The following AKR1E2 variants were observed in gnomAD, a reference collection of about 807,000 sequenced individuals.
The protein encoded by AKR1E2 is 1,5-anhydro-D-fructose reductase.
In AKR1E2, 43 loss-of-function variants were observed where a neutral mutation model predicts 41.9. That is an observed-to-expected ratio of 1.03 (90% CI 0.80 to 1.32). AKR1E2 has a LOEUF of 1.32. AKR1E2 is among the 40% of genes most tolerant of loss of function. The pLI is 0.00. For missense variants in AKR1E2, 423 were observed against 396.5 expected (o/e 1.07, Z -0.57); for synonymous variants, 121 against 138.9 (o/e 0.87, Z 0.91).
the AKR1E2 span, among the ~76,000 whole-genome samples, chr10:4,854,101 T>TTG: frequency 2.0e-5 from 3 of 150,770 alleles, no homozygotes; most frequent in Admixed American, 2.0e-4. Flanking sequence ...TTTTTTTTTT[T>TTG]TTTTTTTTTT....
the AKR1E2 span, among the ~76,000 whole-genome samples, chr10:4,853,916 C>G: frequency 6.6e-6 from 1 of 152,130 alleles, no homozygotes; most frequent in Non-Finnish European, 1.5e-5. Context: ...TACACTCCCA[C>G]CAGCGCCATG....
At chr10:4,868,654 A>T in the AKR1E2 span, among the ~76,000 whole-genome samples, 1 of 152,236 alleles carries the variant, frequency 6.6e-6, no homozygotes, top group Non-Finnish European at 1.5e-5. Flanking sequence ...AGGGACAAAG[A>T]ATTCAGCTTA....
At chr10:4,867,473 C>T in the AKR1E2 span, among the ~76,000 whole-genome samples, 1 of 152,210 alleles carries the variant, frequency 6.6e-6, no homozygotes, top group Non-Finnish European at 1.5e-5. Context: ...TAACCCCTGG[C>T]AACTAGTATG....
chr10:4,841,898 G>A (rs1833917892), intron 7 of AKR1E2, 41 bp downstream of exon 7: 2 of 1,588,280 alleles, frequency 1.3e-6, no homozygotes, highest in Non-Finnish European at 1.7e-6. Flanking sequence ...GGGGTTCTCT[G>A]ACCGCTCTAC....
rs199737864 is a variant in AKR1E2 at position 4,830,760 on chromosome 10, A to G, written c.125A>G (p.Asn42Ser). The G allele has an allele frequency of 6.5e-5, 105 of 1,614,098 alleles. 1 individual carries two copies. Among genetic ancestry groups the G allele is most frequent in the Middle Eastern group, 4.9e-4 (3 of 6,062 alleles). ...RHFDCAYFYH[N>S]EREVGAGIRC... ...TTCGACTGTGCTTACTTTTACCACA[A>G]TGAGAGGGAGGTTGGAGCAGGGATC... is the stretch of plus-strand genomic sequence containing the variant. Residue 42 changes from asparagine to serine, a missense_variant, in exon 2 of 10, where the codon AAT (asparagine) becomes AGT (serine). Asn to Ser is a conservative substitution (Grantham distance 46). Transcript: ENST00000298375.
In AKR1E2 at chr10:4,847,174, C is replaced by G. The variant is rs1489179205; in HGVS notation, c.864C>G (p.His288Gln). The change falls in exon 9 of 10, where the codon CAC becomes CAG. Residue 288 changes from histidine to glutamine, a missense_variant. Coordinates refer to ENST00000298375, the MANE Select transcript of AKR1E2 (RefSeq NM_001040177.3). ...IQVFDFELTQHDMDNILSLNR... is the reference protein window; with the variant it reads ...IQVFDFELTQQDMDNILSLNR... ...TGTTTGATTTTGAATTAACACAGCACGATATGGATAACATCCTCAGCCTAA... is the reference window on the plus strand; with the variant it reads ...TGTTTGATTTTGAATTAACACAGCAGGATATGGATAACATCCTCAGCCTAA... 1 of 1,614,148 alleles carries G rather than the reference C, an allele frequency of 6.2e-7. No homozygotes were observed. The highest frequency in any genetic ancestry group is 8.5e-7 in the Non-Finnish European group (1 of 1,180,020).
chr10:4,826,391 G>T (rs1410195791), intron 1 of AKR1E2, 28 bp downstream of exon 1: 5 of 1,232,774 alleles, frequency 4.1e-6, no homozygotes, highest in Non-Finnish European at 5.1e-6. Flanking sequence ...AGGGAGGCGC[G>T]CCTGACCTAG....
At chr10:4,860,682 C>T in the AKR1E2 span, among the ~76,000 whole-genome samples, 16,583 of 152,172 alleles carry the variant, frequency 0.11, 992 homozygotes, top group Middle Eastern at 0.15. Flanking sequence ...ATTTAAAAAT[C>T]GAAAAATAAG....
chr10:4,842,336 C>A, intron 7 of AKR1E2, 85 bp from the exon 8 acceptor site: 2 of 1,198,110 alleles, frequency 1.7e-6, no homozygotes, highest in Non-Finnish European at 2.5e-6. Flanking sequence ...ACTCTTACTG[C>A]ATGATAAAAC....
At chr10:4,866,446 T>C in the AKR1E2 span, among the ~76,000 whole-genome samples, 1 of 152,180 alleles carries the variant, frequency 6.6e-6, no homozygotes, top group Non-Finnish European at 1.5e-5. Flanking sequence ...CAAACCTATA[T>C]AGTAAGTTAT....
intron 2 of AKR1E2, among the ~76,000 whole-genome samples, chr10:4,831,511 G>C (rs112816762): frequency 0.035 from 5,389 of 152,264 alleles, 151 homozygotes; most frequent in East Asian, 0.11. Context: ...GGGAACTGCC[G>C]TTTATAAAAC....
chr10:4,865,107 T>C, the AKR1E2 span, among the ~76,000 whole-genome samples: 1 of 152,174 alleles, frequency 6.6e-6, no homozygotes, highest in East Asian at 1.9e-4. Flanking sequence ...TGAATAAAGT[T>C]ACTCTCTAAC....
the AKR1E2 span, among the ~76,000 whole-genome samples, chr10:4,864,455 A>G: frequency 1.3e-5 from 2 of 152,218 alleles, no homozygotes; most frequent in East Asian, 1.9e-4. Context: ...TTGATGGGAC[A>G]TATCTCAAAA....
chr10:4,864,949 A>G, the AKR1E2 span, among the ~76,000 whole-genome samples: 1 of 152,216 alleles, frequency 6.6e-6, no homozygotes, highest in Non-Finnish European at 1.5e-5. Flanking sequence ...TGAAAAATGA[A>G]ATATTCCTAC....
At chr10:4,859,492 C>G in the AKR1E2 span, among the ~76,000 whole-genome samples, 1 of 152,098 alleles carries the variant, frequency 6.6e-6, no homozygotes, top group Non-Finnish European at 1.5e-5. Flanking sequence ...AATCATGAGG[C>G]CTGGAAGAAC....
intron 1 of AKR1E2, 26 bp downstream of exon 1, chr10:4,826,389 G>T: frequency 8.1e-7 from 1 of 1,232,968 alleles, no homozygotes; most frequent in Non-Finnish European, 1.0e-6. Flanking sequence ...GCAGGGAGGC[G>T]CGCCTGACCT....
the AKR1E2 span, among the ~76,000 whole-genome samples, chr10:4,855,628 A>G: frequency 0.44 from 66,516 of 152,122 alleles, 16,440 homozygotes; most frequent in East Asian, 0.73. Flanking sequence ...TGTGTTGTGC[A>G]TGTAATGTTT....
the AKR1E2 span, among the ~76,000 whole-genome samples, chr10:4,862,800 C>T: frequency 6.6e-6 from 1 of 152,080 alleles, no homozygotes; most frequent in Non-Finnish European, 1.5e-5. Flanking sequence ...CAAAAAAAGG[C>T]AGGGGTTGCA....
chr10:4,859,353 A>G, the AKR1E2 span, among the ~76,000 whole-genome samples: 1 of 152,326 alleles, frequency 6.6e-6, no homozygotes, highest in Non-Finnish European at 1.5e-5. Context: ...ATGTGCTACG[A>G]CTACATTCGG....
Sources: allele counts gnomAD v4.1 joint callset (sites outside exome capture counted in the v4.1 genomes callset), GRCh38; gene constraint gnomAD v4.1.1; transcripts MANE v1.5; gene names NCBI Gene and HGNC (gene_info 2026-07-23, HGNC 2026-07-21).